TEKT5: variants seen among roughly 807,000 people sequenced by gnomAD.
TEKT5 encodes tektin-5.
Under a neutral mutation model 48.7 loss-of-function variants are expected in TEKT5, and 52 were observed. The ratio of observed to expected loss-of-function variants is 1.07; its 90% CI spans 0.86 to 1.35. The LOEUF (loss-of-function observed/expected upper bound fraction) is 1.35. Ranked by LOEUF, TEKT5 falls within the 40% of genes most tolerant of loss-of-function variation. The pLI, the probability that TEKT5 is intolerant of heterozygous loss-of-function variation, is 0.00. For missense variants in TEKT5, 831 were observed against 641.6 expected, an observed-to-expected ratio of 1.30 and a Z score of -3.19; for synonymous variants, 318 against 267.6, an observed-to-expected ratio of 1.19 and a Z score of -1.84.
intron 5 of TEKT5, among the ~76,000 whole-genome samples, chr16:10,637,478 G>C (rs992490966): frequency 2.0e-5 from 3 of 148,816 alleles, no homozygotes; most frequent in Admixed American, 6.6e-5. Context: ...GAGGAAGGGA[G>C]GGAGAAAGGA....
intron 5 of TEKT5, among the ~76,000 whole-genome samples, chr16:10,647,091 C>T (rs1187983568): frequency 6.6e-6 from 1 of 152,118 alleles, no homozygotes; most frequent in East Asian, 1.9e-4. Flanking sequence ...TCATGGAAAA[C>T]AGCCCCTACC....
chr16:10,635,975 T>G (rs1378258193), intron 5 of TEKT5, 57 bp from the exon 6 acceptor site: 1 of 1,587,854 alleles, frequency 6.3e-7, no homozygotes. Flanking sequence ...CTCCTCTGAC[T>G]GGGGGCCTGG....
intron 5 of TEKT5, among the ~76,000 whole-genome samples, chr16:10,657,621 G>A (rs186649922): frequency 3.5e-5 from 5 of 144,538 alleles, no homozygotes; most frequent in East Asian, 2.1e-4. Context: ...ATGGAGTCTC[G>A]CTCAGTCACC....
intron 3 of TEKT5, among the ~76,000 whole-genome samples, chr16:10,685,731 G>A (rs11641914): frequency 0.14 from 20,870 of 151,758 alleles, 1,567 homozygotes; most frequent in Non-Finnish European, 0.18. Context: ...CTCCCCACCC[G>A]TCTCTGTTTA....
At chr16:10,665,455 A>G (rs1232428556) in intron 5 of TEKT5, among the ~76,000 whole-genome samples, 1 of 152,138 alleles carries the variant, frequency 6.6e-6, no homozygotes, top group Admixed American at 6.5e-5. Context: ...TGAGCTAGAA[A>G]CAGTCTCGTT....
chr16:10,667,184 C>T (rs1344123436), intron 5 of TEKT5, among the ~76,000 whole-genome samples: 1 of 151,832 alleles, frequency 6.6e-6, no homozygotes, highest in East Asian at 1.9e-4. Flanking sequence ...AGATCTTACT[C>T]TGTGGCCCAG....
At chr16:10,665,223 T>C (rs1426120631) in intron 5 of TEKT5, among the ~76,000 whole-genome samples, 1 of 152,062 alleles carries the variant, frequency 6.6e-6, no homozygotes, top group Non-Finnish European at 1.5e-5. Flanking sequence ...TGGAAAAAAT[T>C]AGGGGAATGC....
rs200353042 is a variant in TEKT5, at chr16:10,676,023, G to A, written c.1022C>T (p.Ala341Val). 100 of 1,614,228 alleles carry A rather than the reference G, an allele frequency of 6.2e-5. No homozygotes were observed. The Middle Eastern group carries it at 2.1e-3, about 35-fold the overall frequency. ...CACCTCAGAGATGCGGGCGTTGAAGGCCAGGTTGGTGTCTGTGAACTGCCT... is the reference window on the plus strand; with the variant it reads ...CACCTCAGAGATGCGGGCGTTGAAGACCAGGTTGGTGTCTGTGAACTGCCT... ...MWRQFTDTNLAFNARISEVTD... is the reference protein window; with the variant it reads ...MWRQFTDTNLVFNARISEVTD... The change falls in exon 5 of 7, where the codon GCC becomes GTC. Residue 341 changes from alanine to valine, a missense_variant. Coordinates refer to ENST00000283025, the MANE Select transcript of TEKT5 (RefSeq NM_144674.2).
At chr16:10,636,895 C>G (rs1005066728) in intron 5 of TEKT5, among the ~76,000 whole-genome samples, 12 of 151,834 alleles carry the variant, frequency 7.9e-5, no homozygotes, top group African/African-American at 2.7e-4. Context: ...GGGCTCACTG[C>G]AAACTCCGCC....
At chr16:10,645,346 C>CA (rs1437215841) in intron 5 of TEKT5, among the ~76,000 whole-genome samples, 1 of 151,856 alleles carries the variant, frequency 6.6e-6, no homozygotes, top group Non-Finnish European at 1.5e-5. Context: ...CCCATCTCTA[C>CA]AAAAAATACA....
chr16:10,649,637 A>G (rs1280741258), intron 5 of TEKT5, among the ~76,000 whole-genome samples: 5 of 147,578 alleles, frequency 3.4e-5, no homozygotes. Flanking sequence ...GGTCTCCCCA[A>G]GTTGCCCAGG....
chr16:10,645,989 C>T (rs960190311), intron 5 of TEKT5, among the ~76,000 whole-genome samples: 48 of 151,876 alleles, frequency 3.2e-4, no homozygotes, highest in African/African-American at 1.2e-3. Context: ...GAAAAACTGG[C>T]CAGGCATATA....
At chr16:10,669,668 A>C (rs1033685441) in intron 5 of TEKT5, among the ~76,000 whole-genome samples, 3 of 152,198 alleles carry the variant, frequency 2.0e-5, no homozygotes, top group African/African-American at 4.8e-5. Flanking sequence ...CTTTCTCCAT[A>C]GAAGTATCCC....
chr16:10,664,068 A>G (rs571542439), intron 5 of TEKT5, among the ~76,000 whole-genome samples: 9 of 152,374 alleles, frequency 5.9e-5, no homozygotes, highest in African/African-American at 1.9e-4. Context: ...ATAATTCATC[A>G]TCTCAGGCCT....
At chr16:10,659,003 C>G (rs1014086180) in intron 5 of TEKT5, among the ~76,000 whole-genome samples, 2 of 152,238 alleles carry the variant, frequency 1.3e-5, no homozygotes, top group African/African-American at 4.8e-5. Flanking sequence ...CAGATGTGAG[C>G]CACGGTGCCC....
intron 5 of TEKT5, among the ~76,000 whole-genome samples, chr16:10,653,189 C>A (rs2142277452): frequency 6.6e-6 from 1 of 152,310 alleles, no homozygotes; most frequent in Middle Eastern, 3.4e-3. Context: ...AGGGGGTCAC[C>A]CCATGGGAGG....
intron 4 of TEKT5, among the ~76,000 whole-genome samples, chr16:10,681,388 T>A (rs1343991215): frequency 6.6e-6 from 1 of 150,888 alleles, no homozygotes; most frequent in African/African-American, 2.4e-5. Context: ...TCTCTCTCTC[T>A]CTCTCTCTCT....
At chr16:10,662,216 T>C (rs763317976) in intron 5 of TEKT5, among the ~76,000 whole-genome samples, 5 of 152,150 alleles carry the variant, frequency 3.3e-5, no homozygotes, top group Non-Finnish European at 5.9e-5. Context: ...GCACCCCCAT[T>C]TGTGACAACT....
intron 5 of TEKT5, among the ~76,000 whole-genome samples, chr16:10,641,694 C>T (rs996835422): frequency 3.3e-5 from 5 of 152,142 alleles, no homozygotes; most frequent in South Asian, 2.1e-4. Context: ...TGGTGATGCG[C>T]GCCTGTAGTC....
Sources: gnomAD v4.1 joint callset for allele counts (sites outside exome capture counted in the v4.1 genomes callset) on GRCh38, gnomAD v4.1.1 for gene constraint, MANE v1.5 for transcripts, NCBI Gene and HGNC (gene_info 2026-07-23, HGNC 2026-07-21) for gene names.